Variants in RARB observed in about 807,000 individuals in gnomAD.
The protein encoded by RARB is retinoic acid receptor beta.
RARB carries 17 observed loss-of-function variants against 51.9 expected under a neutral mutation model. That is an observed-to-expected ratio of 0.33 (90% confidence interval 0.22 to 0.49). The LOEUF (loss-of-function observed/expected upper bound fraction) is 0.49, where lower values mean the gene tolerates loss of function less well. Ranked by LOEUF, RARB falls within the 20% of genes least tolerant of loss-of-function variation. RARB has a pLI of 0.99. For synonymous variants in RARB, 215 were observed against 195.4 expected (o/e 1.10, Z -0.84); for missense variants, 369 against 550.8 (o/e 0.67, Z 3.30).
chr3:25,321,603 G>C (rs987637299), intron 5 of RARB, among the ~76,000 whole-genome samples: 1 of 151,972 alleles, frequency 6.6e-6, no homozygotes, highest in Admixed American at 6.6e-5. Flanking sequence ...TGTAATCCCA[G>C]CTACTCGGGA....
At chr3:25,148,062 C>G (rs534953375) in intron 4 of RARB, among the ~76,000 whole-genome samples, 8 of 152,162 alleles carry the variant, frequency 5.3e-5, no homozygotes, top group Non-Finnish European at 1.0e-4. Flanking sequence ...CTAGTCAAAC[C>G]CTTTTGCCAC....
At chr3:25,174,598 C>G (rs767846841) in intron 5 of RARB, 6 of 1,351,430 alleles carry the variant, frequency 4.4e-6, no homozygotes, top group South Asian at 1.1e-5. Context: ...GGAATTTGCT[C>G]TCTTTTCTCT....
chr3:25,464,675 AT>A (rs561257146), intron 2 of RARB, among the ~76,000 whole-genome samples: 1 of 152,228 alleles, frequency 6.6e-6, no homozygotes, highest in African/African-American at 2.4e-5. Context: ...ATTAAATATA[AT>A]TTTATTGTCA....
intron 5 of RARB, among the ~76,000 whole-genome samples, chr3:25,338,912 G>A (rs1046791327): frequency 3.9e-5 from 6 of 151,992 alleles, no homozygotes; most frequent in African/African-American, 1.2e-4. Context: ...CACAGCAGGG[G>A]GCCTTCAAAA....
rs924878449 is a variant in RARB at position 24,969,187 on chromosome 3, G to T, written c.-379-90938G>T. ...GTAGAAGTGTTTGTATTTGCCAGAA[G>T]TTTATGCATGTTTATTTCCCTCTCA... On this transcript the variant is annotated intron_variant, in intron 2 of 11. Transcript: ENST00000383772. Among the ~76,000 whole-genome samples the T allele has an allele frequency of 1.2e-3, 188 of 152,162 alleles. 1 individual carries two copies. The highest frequency in any genetic ancestry group is 4.3e-3 in the African/African-American group (180 of 41,536).
chr3:24,883,310 A>T (rs1034798921), intron 2 of RARB, among the ~76,000 whole-genome samples: 3 of 151,496 alleles, frequency 2.0e-5, no homozygotes, highest in Non-Finnish European at 4.4e-5. Flanking sequence ...GGGGTGAAAG[A>T]TTCACATTTA....
chr3:25,228,714 T>G (rs554329956), intron 5 of RARB, among the ~76,000 whole-genome samples: 3 of 152,154 alleles, frequency 2.0e-5, no homozygotes, highest in Non-Finnish European at 4.4e-5. Flanking sequence ...CTAAGTTCTC[T>G]ATGTGTGACT....
intron 5 of RARB, among the ~76,000 whole-genome samples, chr3:25,422,540 G>T (rs1346037487): frequency 6.6e-6 from 1 of 152,074 alleles, no homozygotes; most frequent in Non-Finnish European, 1.5e-5. Flanking sequence ...TTAAAGCAGG[G>T]TTTAATAGTG....
chr3:25,069,284 C>T (rs376460373), intron 3 of RARB, among the ~76,000 whole-genome samples: 16 of 152,018 alleles, frequency 1.1e-4, no homozygotes, highest in Admixed American at 5.2e-4. Flanking sequence ...CTTGAAAAAT[C>T]CCACTGATTT....
At chr3:25,389,473 A>G (rs1706886516) in intron 5 of RARB, among the ~76,000 whole-genome samples, 1 of 152,164 alleles carries the variant, frequency 6.6e-6, no homozygotes, top group South Asian at 2.1e-4. Flanking sequence ...TCATCAGTAA[A>G]AGGGTGCCAG....
At chr3:24,960,023 G>C (rs988780680) in intron 2 of RARB, among the ~76,000 whole-genome samples, 3 of 152,190 alleles carry the variant, frequency 2.0e-5, no homozygotes, top group Non-Finnish European at 4.4e-5. Context: ...CTTGAAATAA[G>C]TGGTACAAAG....
intron 2 of RARB, among the ~76,000 whole-genome samples, chr3:24,874,859 TAA>T (rs1273642397): frequency 2.0e-5 from 3 of 151,990 alleles, no homozygotes; most frequent in Non-Finnish European, 4.4e-5. Context: ...ATTTTGTTAT[TAA>T]AGTTTTTTCT....
At chr3:25,543,160 C>T (rs990248752) in intron 3 of RARB, among the ~76,000 whole-genome samples, 1 of 152,176 alleles carries the variant, frequency 6.6e-6, no homozygotes, top group African/African-American at 2.4e-5. Flanking sequence ...AAATGTCAGT[C>T]ATGCCAAGAC....
In RARB at chr3:24,885,984, C is replaced by A. The variant is rs375346369; in HGVS notation, c.-380+27232C>A. Among the ~76,000 whole-genome samples the A allele has an allele frequency of 7.2e-5, 11 of 152,282 alleles. No individual in the cohort carries two copies. The East Asian group carries it at 2.1e-3, about 29-fold the overall frequency. Reference sequence around the variant, plus strand: ...TTTATAGAGTGATTTAGGGGACTTTCAAGGGTAATCTTGCCTTCATGATTT... The same window carrying A: ...TTTATAGAGTGATTTAGGGGACTTTAAAGGGTAATCTTGCCTTCATGATTT... On this transcript the variant is annotated intron_variant, in intron 2 of 11. Coordinates refer to the RARB transcript ENST00000383772.
At chr3:25,087,332 T>G (rs1201257467) in intron 3 of RARB, among the ~76,000 whole-genome samples, 1 of 152,142 alleles carries the variant, frequency 6.6e-6, no homozygotes, top group Non-Finnish European at 1.5e-5. Context: ...TATTTTTTGA[T>G]TTACAGAATC....
At chr3:25,232,084 G>T (rs1201327035) in intron 5 of RARB, among the ~76,000 whole-genome samples, 1 of 152,196 alleles carries the variant, frequency 6.6e-6, no homozygotes, top group East Asian at 1.9e-4. Flanking sequence ...CAAATTTTCT[G>T]AGGGGTATTT....
chr3:25,138,923 C>T (rs1235115815), intron 4 of RARB, among the ~76,000 whole-genome samples: 1 of 152,118 alleles, frequency 6.6e-6, no homozygotes, highest in East Asian at 1.9e-4. Context: ...GTGCTCACTT[C>T]CTGTCTCTGT....
intron 5 of RARB, among the ~76,000 whole-genome samples, chr3:25,184,413 C>CT (rs1482571558): frequency 6.6e-6 from 1 of 152,062 alleles, no homozygotes; most frequent in African/African-American, 2.4e-5. Context: ...AGAAGTACTG[C>CT]TTGGAGACTG....
intron 5 of RARB, among the ~76,000 whole-genome samples, chr3:25,176,657 G>A (rs1559493389): frequency 6.6e-6 from 1 of 151,856 alleles, no homozygotes; most frequent in Non-Finnish European, 1.5e-5. Flanking sequence ...GCCTCCCAAA[G>A]TGCTAGGATT....
Sources: gnomAD v4.1 joint callset for allele counts (sites outside exome capture counted in the v4.1 genomes callset) on GRCh38, gnomAD v4.1.1 for gene constraint, MANE v1.5 for transcripts, NCBI Gene and HGNC (gene_info 2026-07-23, HGNC 2026-07-21) for gene names.